FBXO22: variants seen among roughly 807,000 people sequenced by gnomAD.
FBXO22 encodes the protein F-box only protein 22.
Under a neutral mutation model 37.2 loss-of-function variants are expected in FBXO22, and 13 were observed. The ratio of observed to expected loss-of-function variants is 0.35; its 90% CI spans 0.23 to 0.56. The LOEUF is 0.56. FBXO22 is among the 20% of genes least tolerant of loss of function. The pLI, the probability that FBXO22 is intolerant of heterozygous loss-of-function variation, is 0.87. For synonymous variants in FBXO22, 189 were observed against 189.1 expected (o/e 1.00, Z 0.00); for missense variants, 446 against 509.9 (o/e 0.87, Z 1.21).
chr15:75,929,146 C>T (rs567012403), intron 5 of FBXO22, among the ~76,000 whole-genome samples: 24 of 152,018 alleles, frequency 1.6e-4, no homozygotes, highest in South Asian at 1.0e-3. Flanking sequence ...CTCTTCCTAC[C>T]GCTCCAGTTT....
At position 75,910,086 on chromosome 15, in the gene FBXO22, G is replaced by A. The variant is rs180938043; in HGVS notation, c.280-3117G>A. ...CCAGCTTCATCCATGTCCCTGCAAA[G>A]GACATGAGTGCATCCTTTTTCTATG... On this transcript the variant is annotated intron_variant, in intron 2 of 6. Coordinates refer to ENST00000308275, the MANE Select transcript of FBXO22 (RefSeq NM_147188.3). Among the ~76,000 whole-genome samples, 13 of 152,272 alleles carry A rather than the reference G, an allele frequency of 8.5e-5. No individual in the cohort carries two copies. The East Asian group carries it at 2.5e-3, about 29-fold the overall frequency.
intron 2 of FBXO22, among the ~76,000 whole-genome samples, chr15:75,904,856 C>G (rs898491834): frequency 1.4e-5 from 2 of 144,220 alleles, no homozygotes; most frequent in Non-Finnish European, 3.0e-5. Flanking sequence ...CGTAGTCTCG[C>G]TCTGTGGCCC....
rs1218197434 is a variant in FBXO22 at position 75,941,876 on chromosome 15, T to C, written c.*8774T>C. Reference sequence around the variant, plus strand: ...GAATGTATTTAATGCCTTTAAACTGTAACTTCAAAATGGTTAAAATTTAAA... The same window carrying C: ...GAATGTATTTAATGCCTTTAAACTGCAACTTCAAAATGGTTAAAATTTAAA... On this transcript the variant is annotated 3_prime_UTR_variant, in exon 7 of 7. Coordinates refer to ENST00000308275, the MANE Select transcript of FBXO22 (RefSeq NM_147188.3). The C allele has an allele frequency of 7.1e-6, 1 of 141,008 alleles. No homozygotes were observed. The highest frequency in any genetic ancestry group is 2.7e-5 in the African/African-American group (1 of 37,096). 8.7% of individuals were successfully genotyped at this position (141,008 alleles called of 1,614,324 possible). A position where few individuals can be genotyped will look rare whatever the true frequency, so the allele number is the denominator to read the frequency against.
intron 2 of FBXO22, 68 bp from the exon 3 acceptor site, chr15:75,913,135 C>G (rs1411936608): frequency 2.9e-6 from 3 of 1,044,542 alleles, no homozygotes; most frequent in Admixed American, 1.8e-5. Flanking sequence ...GGTGATACTT[C>G]AAGGGACTAT....
chr15:75,933,411 CA>C lies in FBXO22; in HGVS notation c.*313del. ...AAATAGTCTTCCTGCATAGGAAGAG[CA>C]AAAGGGTATTCATCAATAGGATATA... On this transcript the variant is annotated 3_prime_UTR_variant, in exon 7 of 7. Transcript: ENST00000308275. 7.0e-6 allele frequency: 2 copies of C among 287,050 alleles called. No individual in the cohort carries two copies. 17.8% of individuals were successfully genotyped at this position (287,050 alleles called of 1,614,324 possible).
At position 75,941,950 on chromosome 15, in the gene FBXO22, A is replaced by AC. The variant is rs2031013434; in HGVS notation, c.*8848_*8849insC. ...AAATTTTTAAACCACCAAAAAAAAAAAAAAAAAAAAATATGGCCTAGCTTT... is the reference window on the plus strand; with the variant it reads ...AAATTTTTAAACCACCAAAAAAAAAACAAAAAAAAAAATATGGCCTAGCTTT... On this transcript the variant is annotated 3_prime_UTR_variant, in exon 7 of 7. Coordinates refer to ENST00000308275, the MANE Select transcript of FBXO22 (RefSeq NM_147188.3). 1.7e-5 allele frequency: 2 copies of AC among 116,100 alleles called. No homozygotes were observed. The highest frequency in any genetic ancestry group is 3.1e-4 in the South Asian group (1 of 3,184). 7.2% of individuals were successfully genotyped at this position (116,100 alleles called of 1,614,324 possible).
chr15:75,930,637 A>T (rs1450432641), intron 6 of FBXO22: 2 of 985,510 alleles, frequency 2.0e-6, no homozygotes, highest in Non-Finnish European at 2.4e-6. Flanking sequence ...GCTTTCAAAG[A>T]TAAAAATATT....
intron 4 of FBXO22, among the ~76,000 whole-genome samples, chr15:75,916,568 G>A (rs335700): frequency 0.92 from 139,656 of 152,202 alleles, 64,791 homozygotes; most frequent in East Asian, 1. Flanking sequence ...AGTCACATGG[G>A]GGGTTAGGGC....
In FBXO22 at chr15:75,934,437, C is replaced by G. The variant is rs937822917; in HGVS notation, c.*1335C>G. ...GATGTAACTAATGTTACTTTTGTAA[C>G]AGTCAGTGGTTTGTTCTAACAGGAC... On this transcript the variant is annotated 3_prime_UTR_variant, in exon 7 of 7. Transcript: ENST00000308275. 6.6e-6 allele frequency: 1 copy of G among 152,122 alleles called. No homozygotes were observed. Among genetic ancestry groups the G allele is most frequent in the Non-Finnish European group, 1.5e-5 (1 of 68,018 alleles). The allele number at this position is 152,122 out of a possible 1,614,324, so 9.4% of individuals were successfully genotyped here. A position where few individuals can be genotyped will look rare whatever the true frequency, so the allele number is the denominator to read the frequency against.
intron 6 of FBXO22, chr15:75,930,857 CTG>C (rs1344310666): frequency 1.1e-5 from 11 of 984,178 alleles, no homozygotes; most frequent in African/African-American, 1.7e-5. Flanking sequence ...TGGGGACAGA[CTG>C]TTGCAGATCA....
intron 5 of FBXO22, among the ~76,000 whole-genome samples, chr15:75,923,975 A>T (rs1281347414): frequency 6.6e-6 from 1 of 152,160 alleles, no homozygotes; most frequent in Non-Finnish European, 1.5e-5. Flanking sequence ...TCATGCGGGT[A>T]TGTGGCTAGC....
At position 75,913,211 on chromosome 15, in the gene FBXO22, C is replaced by T; in HGVS notation, c.288C>T (p.Arg96=). 6.2e-7 allele frequency: 1 copy of T among 1,606,392 alleles called. No homozygotes were observed. The highest frequency in any genetic ancestry group is 1.1e-5 in the South Asian group (1 of 90,830). The change falls in exon 3 of 7, where the codon CGC becomes CGT. Residue 96 remains arginine, a synonymous_variant. Coordinates refer to ENST00000308275, the MANE Select transcript of FBXO22 (RefSeq NM_147188.3). ...TTTTTTTTTCTTTGCAGAATGTTCGCATCTTACCACATACAGTTCTTTACA... is the reference window on the plus strand; with the variant it reads ...TTTTTTTTTCTTTGCAGAATGTTCGTATCTTACCACATACAGTTCTTTACA... ...RVVAEELENV[R]ILPHTVLYMA...
chr15:75,930,934 A>G, intron 6 of FBXO22: 1 of 881,026 alleles, frequency 1.1e-6, no homozygotes, highest in Non-Finnish European at 1.4e-6. Flanking sequence ...TCTATGAGCT[A>G]GATCTGGGAA....
chr15:75,914,759 T>TA (rs1878076080), intron 4 of FBXO22, among the ~76,000 whole-genome samples: 1 of 152,182 alleles, frequency 6.6e-6, no homozygotes, highest in African/African-American at 2.4e-5. Flanking sequence ...AATGGTTAGA[T>TA]ACCTGGATTC....
intron 5 of FBXO22, among the ~76,000 whole-genome samples, chr15:75,925,376 G>A: frequency 6.6e-6 from 1 of 152,144 alleles, no homozygotes; most frequent in East Asian, 1.9e-4. Flanking sequence ...GATCTAGCTT[G>A]TAGATTGTTC....
rs1384947376 is a variant in FBXO22 at position 75,904,588 on chromosome 15, G to T, written c.238G>T (p.Glu80Ter). ...SAGLAEAGHL[E>*]GHCLVRVVAE... ...AGGCCTGGCGGAGGCCGGCCACCTG[G>T]AGGGGCATTGCTTGGTTCGCGTGGT... The change falls in exon 2 of 7, where the codon GAG becomes TAG. Residue 80 changes from glutamate to a stop codon, truncating the protein, a stop_gained. Transcript: ENST00000308275. LOFTEE classifies it high-confidence loss of function. 6.2e-7 allele frequency: 1 copy of T among 1,613,424 alleles called. No homozygotes were observed. The highest frequency in any genetic ancestry group is 8.5e-7 in the Non-Finnish European group (1 of 1,179,542).
At chr15:75,908,542 T>A (rs1248163238) in intron 2 of FBXO22, among the ~76,000 whole-genome samples, 25 of 152,200 alleles carry the variant, frequency 1.6e-4, no homozygotes, top group Admixed American at 1.6e-3. Context: ...AGTGCTGATA[T>A]TACAGGCGTG....
chr15:75,904,694 T>A (rs1169929040), intron 2 of FBXO22, 65 bp downstream of exon 2: 2 of 1,484,258 alleles, frequency 1.3e-6, no homozygotes, highest in Admixed American at 2.4e-5. Context: ...TGAGAACTAT[T>A]TTTTTTTAAA....
At chr15:75,913,144 A>G (rs1297590575) in intron 2 of FBXO22, 59 bp from the exon 3 acceptor site, 3 of 1,127,248 alleles carry the variant, frequency 2.7e-6, no homozygotes, top group Non-Finnish European at 4.0e-6. Context: ...TCAAGGGACT[A>G]TGCAGAAGCA....
Sources: gnomAD v4.1 joint callset for allele counts (sites outside exome capture counted in the v4.1 genomes callset) on GRCh38, gnomAD v4.1.1 for gene constraint, MANE v1.5 for transcripts, NCBI Gene and HGNC (gene_info 2026-07-23, HGNC 2026-07-21) for gene names.